Variants in RALB observed in about 807,000 individuals in gnomAD.
RALB encodes the protein RAS like proto-oncogene B, also known as ras-related protein Ral-B.
In RALB, 16 loss-of-function variants were observed where a neutral mutation model predicts 21.3. The ratio of observed to expected loss-of-function variants is 0.75; its 90% CI spans 0.51 to 1.14. The LOEUF (loss-of-function observed/expected upper bound fraction) is 1.14, where lower values mean the gene tolerates loss of function less well. Ranked by LOEUF, RALB falls within the 50% of genes most tolerant of loss-of-function variation. RALB has a pLI of 0.00. For missense variants in RALB, 161 were observed against 256.2 expected (o/e 0.63, Z 2.54); for synonymous variants, 93 against 96.1 (o/e 0.97, Z 0.19).
Position 120,293,253 on chromosome 2 carries a change from T to G in RALB, c.614T>G (p.Leu205Ter). 6.2e-7 allele frequency: 1 copy of G among 1,612,434 alleles called. No homozygotes were observed. The highest frequency in any genetic ancestry group is 8.5e-7 in the Non-Finnish European group (1 of 1,179,088). Reference protein sequence around the residue: ...NKKSFKERCCLL With the variant: ...NKKSFKERCC ...AAAAGTTTTAAAGAAAGATGTTGCT[T>G]ACTATGAGTGTCAAGGTGACGGATG... The change falls in exon 5 of 5, where the codon TTA (leucine) becomes TGA (stop). Residue 205 changes from leucine (L) to a stop codon, truncating the protein, a stop_gained. Transcript: ENST00000272519. LOFTEE classifies it high-confidence loss of function.
chr2:120,278,632 A>G lies in RALB; in HGVS notation c.-33A>G. 1 of 1,550,254 alleles carries G rather than the reference A, an allele frequency of 6.5e-7. No individual in the cohort carries two copies. The highest frequency in any genetic ancestry group is 8.7e-7 in the Non-Finnish European group (1 of 1,147,238). On this transcript the variant is annotated 5_prime_UTR_variant, in exon 2 of 5. Coordinates refer to ENST00000272519, the MANE Select transcript of RALB (RefSeq NM_002881.3). ...GTCATCAGCAGCTCTTCAGTGGGTC[A>G]TCTGTGTGTCACAGCCTCAGAAGAC...
chr2:120,276,432 A>G (rs535277774), intron 1 of RALB, among the ~76,000 whole-genome samples: 2 of 152,092 alleles, frequency 1.3e-5, no homozygotes, highest in African/African-American at 2.4e-5. Flanking sequence ...GTGAAACCCC[A>G]TCTCTACTAA....
At chr2:120,265,655 G>T (rs894641786) in intron 1 of RALB, among the ~76,000 whole-genome samples, 4 of 152,194 alleles carry the variant, frequency 2.6e-5, no homozygotes, top group Admixed American at 6.5e-5. Context: ...AGACCATGTA[G>T]TGGCTCAGAG....
At chr2:120,276,390 A>G (rs1382548748) in intron 1 of RALB, among the ~76,000 whole-genome samples, 1 of 152,020 alleles carries the variant, frequency 6.6e-6, no homozygotes, top group Non-Finnish European at 1.5e-5. Flanking sequence ...ATCACTTGAG[A>G]TCAGGAGTTT....
At chr2:120,249,377 G>C (rs889418518), upstream of RALB, among the ~76,000 whole-genome samples, 1 of 152,122 alleles carries the variant, frequency 6.6e-6, no homozygotes, top group Non-Finnish European at 1.5e-5. Context: ...CCTGAGACTG[G>C]GTAATTGATA....
chr2:120,283,019 T>TA lies in RALB; in HGVS notation c.115-2843dup, dbSNP rs969233753. On this transcript the variant is annotated intron_variant, in intron 2 of 4. Coordinates refer to ENST00000272519, the MANE Select transcript of RALB (RefSeq NM_002881.3). ...GATTATAGAATTTCCTGGGAGACTTTAAAAAAAAAAAACACCTCCTGAATA... is the reference window on the plus strand; with the variant it reads ...GATTATAGAATTTCCTGGGAGACTTTAAAAAAAAAAAAACACCTCCTGAATA... Among the ~76,000 whole-genome samples the TA allele has an allele frequency of 2.7e-3, 387 of 145,020 alleles. 3 individuals are homozygous for TA. The highest frequency in any genetic ancestry group is 6.7e-3 in the African/African-American group (266 of 39,742).
intron 1 of RALB, among the ~76,000 whole-genome samples, chr2:120,277,713 T>C (rs572341371): frequency 6.6e-6 from 1 of 151,372 alleles, no homozygotes; most frequent in South Asian, 2.1e-4. Flanking sequence ...GTGTGTGTGA[T>C]AGTGCGTGTG....
intron 1 of RALB, among the ~76,000 whole-genome samples, chr2:120,266,550 AT>A (rs1407670171): frequency 1.3e-5 from 2 of 151,848 alleles, no homozygotes; most frequent in Admixed American, 6.6e-5. Flanking sequence ...CCCTGCCAAA[AT>A]TTTTTTTAAA....
intron 1 of RALB, chr2:120,253,520 TA>T (rs1689115111): frequency 2.0e-6 from 2 of 985,504 alleles, no homozygotes; most frequent in Non-Finnish European, 2.4e-6. Flanking sequence ...TCCTTTCTGA[TA>T]GGGGCCAGCG....
chr2:120,245,563 G>A (rs138126885), intron 1 of RALB, among the ~76,000 whole-genome samples: 173 of 152,302 alleles, frequency 1.1e-3, no homozygotes, highest in African/African-American at 3.8e-3. Flanking sequence ...AGCAGGAATC[G>A]GACCTCCTGC....
At chr2:120,293,055 T>G (rs1690344595) in intron 4 of RALB, 86 bp from the exon 5 acceptor site, 1 of 1,342,886 alleles carries the variant, frequency 7.4e-7, no homozygotes, top group Non-Finnish European at 1.0e-6. Context: ...AAATGCTGTG[T>G]TCACAGTGTC....
chr2:120,266,551 T>A (rs1689506465), intron 1 of RALB, among the ~76,000 whole-genome samples: 1 of 151,894 alleles, frequency 6.6e-6, no homozygotes, highest in African/African-American at 2.4e-5. Flanking sequence ...CCTGCCAAAA[T>A]TTTTTTTAAA....
At chr2:120,249,993 C>T (rs1689029588), upstream of RALB, among the ~76,000 whole-genome samples, 1 of 152,222 alleles carries the variant, frequency 6.6e-6, no homozygotes, top group African/African-American at 2.4e-5. Flanking sequence ...CCTCCTACCC[C>T]CATCTTTTGC....
In RALB at chr2:120,289,717, A is replaced by G; in HGVS notation, c.461A>G (p.Tyr154Cys). ...RSKAEEWGVQ[Y>C]VETSAKTRAN... ...AAAGCCGAAGAGTGGGGCGTGCAGTACGTGGAGACGTCAGCGAAGACCCGG... is the reference window on the plus strand; with the variant it reads ...AAAGCCGAAGAGTGGGGCGTGCAGTGCGTGGAGACGTCAGCGAAGACCCGG... The change falls in exon 4 of 5, where the codon TAC becomes TGC. Residue 154 changes from tyrosine (Y) to cysteine (C), a missense_variant. By Grantham distance (194) the Tyr-to-Cys change is radical (BLOSUM62 -2). Transcript: ENST00000272519. 6.2e-7 allele frequency: 1 copy of G among 1,613,084 alleles called. No homozygotes were observed. The highest frequency in any genetic ancestry group is 8.5e-7 in the Non-Finnish European group (1 of 1,179,564).
At position 120,289,739 on chromosome 2, in the gene RALB, C is replaced by A. The variant is rs375919427; in HGVS notation, c.483C>A (p.Thr161=). Residue 161 remains threonine, a synonymous_variant, in exon 4 of 5, where the codon ACC becomes ACA. Transcript: ENST00000272519. Reference sequence around the variant, plus strand: ...AGTACGTGGAGACGTCAGCGAAGACCCGGGCCAACGTGGACAAGGTAGGCG... The same window carrying A: ...AGTACGTGGAGACGTCAGCGAAGACACGGGCCAACGTGGACAAGGTAGGCG... ...GVQYVETSAK[T]RANVDKVFFD... The A allele has an allele frequency of 6.2e-7, 1 of 1,608,588 alleles. No individual in the cohort carries two copies. The highest frequency in any genetic ancestry group is 8.5e-7 in the Non-Finnish European group (1 of 1,177,418).
chr2:120,291,492 G>A (rs1272801676), intron 4 of RALB, among the ~76,000 whole-genome samples: 3 of 152,168 alleles, frequency 2.0e-5, no homozygotes, highest in African/African-American at 7.2e-5. Context: ...TCCTGGATGG[G>A]TTGTCGCGTG....
chr2:120,270,986 T>C (rs930128118), intron 1 of RALB, among the ~76,000 whole-genome samples: 6 of 152,226 alleles, frequency 3.9e-5, no homozygotes, highest in African/African-American at 1.4e-4. Context: ...GTTTGCTGTG[T>C]GCTTCTGTTG....
Position 120,269,213 on chromosome 2 carries a change from TGGAGTTTGTTCCCAAGATGTATCC to T in RALB, c.-47-9392_-47-9369del, listed in dbSNP as rs1460806297. Among the ~76,000 whole-genome samples, 9 of 152,310 alleles carry T rather than the reference TGGAGTTTGTTCCCAAGATGTATCC, an allele frequency of 5.9e-5. 1 individual carries two copies. Among genetic ancestry groups the T allele is most frequent in the East Asian group, 1.9e-4 (1 of 5,184 alleles). ...TTACAGCTCTTAAACGTGGTGTGTC[TGGAGTTTGTTCCCAAGATGTATCC>T]GGAGTTTGTTCCTTCCGGTGGGTTC... On this transcript the variant is annotated intron_variant, in intron 1 of 4. Coordinates refer to ENST00000272519, the MANE Select transcript of RALB (RefSeq NM_002881.3).
intron 1 of RALB, among the ~76,000 whole-genome samples, chr2:120,271,778 T>C (rs1235296936): frequency 1.3e-5 from 2 of 152,218 alleles, no homozygotes; most frequent in African/African-American, 4.8e-5. Context: ...TGGAGTTCAT[T>C]ATGCTTTCCA....
Sources: gnomAD v4.1 joint callset for allele counts (sites outside exome capture counted in the v4.1 genomes callset) on GRCh38, gnomAD v4.1.1 for gene constraint, MANE v1.5 for transcripts, NCBI Gene and HGNC (gene_info 2026-07-23, HGNC 2026-07-21) for gene names.